The following ANGPT1 variants were observed in gnomAD, a reference collection of about 807,000 sequenced individuals.
The protein encoded by ANGPT1 is angiopoietin-1.
ANGPT1 carries 17 observed loss-of-function variants against 62.2 expected under a neutral mutation model. The observed-to-expected ratio is 0.27, with a 90% CI of 0.19 to 0.41. The LOEUF (loss-of-function observed/expected upper bound fraction) is 0.41. Among genes scored for constraint, ANGPT1 ranks in the 10% least tolerant of loss-of-function variants. The pLI, the probability that ANGPT1 is intolerant of heterozygous loss-of-function variation, is 1.00. For synonymous variants in ANGPT1, 199 were observed against 198.9 expected (o/e 1.00, Z 0.00); for missense variants, 478 against 594.9 (o/e 0.80, Z 2.04).
intron 1 of ANGPT1, among the ~76,000 whole-genome samples, chr8:107,451,261 A>T (rs981756249): frequency 1.3e-5 from 2 of 151,596 alleles, no homozygotes; most frequent in Non-Finnish European, 3.0e-5. Flanking sequence ...GTTAAAAATG[A>T]AGAGAGAAAC....
chr8:107,280,267 C>T (rs1813972760), intron 7 of ANGPT1, among the ~76,000 whole-genome samples: 1 of 151,592 alleles, frequency 6.6e-6, no homozygotes, highest in Admixed American at 6.6e-5. Context: ...ATGGCGCAAT[C>T]TCGGCTCACT....
At chr8:107,342,981 A>G (rs1335063667) in intron 2 of ANGPT1, among the ~76,000 whole-genome samples, 1 of 146,864 alleles carries the variant, frequency 6.8e-6, no homozygotes, top group Non-Finnish European at 1.5e-5. Context: ...GGCTACAGGC[A>G]CGCATTACCA....
intron 1 of ANGPT1, among the ~76,000 whole-genome samples, chr8:107,448,008 C>T (rs1811664968): frequency 6.6e-6 from 1 of 152,154 alleles, no homozygotes; most frequent in African/African-American, 2.4e-5. Context: ...TACTTCGGGT[C>T]CTACAGTTAG....
At chr8:107,383,874 G>A (rs1273682053) in intron 1 of ANGPT1, among the ~76,000 whole-genome samples, 1 of 152,118 alleles carries the variant, frequency 6.6e-6, no homozygotes, top group African/African-American at 2.4e-5. Context: ...AGCCCACAGA[G>A]ATTGTTATAT....
rs1165402772 is a variant in ANGPT1 at position 107,347,120 on chromosome 8, C to A, written c.298-23G>T. 3 of 1,599,818 alleles carry A rather than the reference C, an allele frequency of 1.9e-6. No homozygotes were observed. In the Admixed American group the frequency reaches 5.1e-5, roughly 27 times the overall value. ...AAGCTGCAAGAGATAAAGAACAAAA[C>A]ATATTACATTATAAGCAAGGCCTCC... On this transcript the variant is annotated intron_variant, in intron 1 of 8. Coordinates refer to ENST00000517746, the MANE Select transcript of ANGPT1 (RefSeq NM_001146.5).
chr8:107,259,626 A>AGGGG (rs1283762002), intron 8 of ANGPT1, among the ~76,000 whole-genome samples: 126 of 152,278 alleles, frequency 8.3e-4, no homozygotes, highest in African/African-American at 2.9e-3. Context: ...TGGAAATTAT[A>AGGGG]CTGAAACTAA....
chr8:107,361,072 A>G (rs1456258131), intron 1 of ANGPT1, among the ~76,000 whole-genome samples: 1 of 152,204 alleles, frequency 6.6e-6, no homozygotes, highest in Non-Finnish European at 1.5e-5. Flanking sequence ...GATTAGTATC[A>G]TGTTTGTTCT....
intron 1 of ANGPT1, among the ~76,000 whole-genome samples, chr8:107,352,212 G>C (rs1259214836): frequency 2.0e-5 from 3 of 152,094 alleles, no homozygotes; most frequent in African/African-American, 7.2e-5. Flanking sequence ...AAATGATGAG[G>C]TGAAACTTGT....
At chr8:107,477,455 G>A (rs992212361) in intron 1 of ANGPT1, among the ~76,000 whole-genome samples, 3 of 152,140 alleles carry the variant, frequency 2.0e-5, no homozygotes, top group Non-Finnish European at 4.4e-5. Flanking sequence ...AGATTTAAGA[G>A]TTTGAACTTC....
intron 7 of ANGPT1, among the ~76,000 whole-genome samples, chr8:107,268,453 G>A (rs1813666211): frequency 6.7e-6 from 1 of 149,070 alleles, no homozygotes; most frequent in Admixed American, 6.7e-5. Context: ...CATAGATACA[G>A]TCTCTCACAT....
chr8:107,359,297 C>G (rs566419824), intron 1 of ANGPT1, among the ~76,000 whole-genome samples: 1 of 152,294 alleles, frequency 6.6e-6, no homozygotes, highest in Non-Finnish European at 1.5e-5. Flanking sequence ...TTCTCAGACT[C>G]TCACAAAGCC....
Position 107,357,492 on chromosome 8 carries a change from A to C in ANGPT1, c.298-10395T>G, listed in dbSNP as rs115557803. Among the ~76,000 whole-genome samples the C allele has an allele frequency of 3.9e-3, 587 of 152,278 alleles. 6 individuals are homozygous for C. The highest frequency in any genetic ancestry group is 0.014 in the African/African-American group (565 of 41,566). On this transcript the variant is annotated intron_variant, in intron 1 of 8. Coordinates refer to ENST00000517746, the MANE Select transcript of ANGPT1 (RefSeq NM_001146.5). Reference sequence around the variant, plus strand: ...TTCTGTTTCACTTAAAAAGAGAAAGATTTGACATTTGAACTACAGACCACC... The same window carrying C: ...TTCTGTTTCACTTAAAAAGAGAAAGCTTTGACATTTGAACTACAGACCACC...
chr8:107,258,670 G>A (rs1257330950), intron 8 of ANGPT1, among the ~76,000 whole-genome samples: 1 of 151,992 alleles, frequency 6.6e-6, no homozygotes, highest in East Asian at 1.9e-4. Context: ...TGCATTTTAG[G>A]AAGCTCAAAT....
intron 1 of ANGPT1, among the ~76,000 whole-genome samples, chr8:107,423,440 G>T (rs1408289231): frequency 6.6e-6 from 1 of 152,124 alleles, no homozygotes; most frequent in African/African-American, 2.4e-5. Flanking sequence ...GATGGATGTG[G>T]AGATACAAAG....
rs77890305 is a variant in ANGPT1 at position 107,324,286 on chromosome 8, A to G, written c.576-2158T>C. Among the ~76,000 whole-genome samples, 926 of 151,950 alleles carry G rather than the reference A, an allele frequency of 6.1e-3. 15 individuals are homozygous for G. The highest frequency in any genetic ancestry group is 0.021 in the African/African-American group (873 of 41,400). On this transcript the variant is annotated intron_variant, in intron 3 of 8. Transcript: ENST00000517746. Reference sequence around the variant, plus strand: ...AGAATGTGGCCTTATTTAGAAACAGATTCGTTGCAGATGTAATTAGTTAAG... The same window carrying G: ...AGAATGTGGCCTTATTTAGAAACAGGTTCGTTGCAGATGTAATTAGTTAAG...
chr8:107,377,352 A>T (rs1443433642), intron 1 of ANGPT1, among the ~76,000 whole-genome samples: 1 of 152,170 alleles, frequency 6.6e-6, no homozygotes, highest in Non-Finnish European at 1.5e-5. Context: ...GCCTCGTGAC[A>T]TTGGCATATG....
intron 7 of ANGPT1, among the ~76,000 whole-genome samples, chr8:107,265,452 TAA>T (rs533144788): frequency 6.6e-6 from 1 of 152,334 alleles, no homozygotes; most frequent in South Asian, 2.1e-4. Flanking sequence ...AGAACTAATG[TAA>T]ACTTGCTCAC....
intron 1 of ANGPT1, among the ~76,000 whole-genome samples, chr8:107,463,829 C>T (rs993569681): frequency 6.6e-6 from 1 of 152,068 alleles, no homozygotes; most frequent in Non-Finnish European, 1.5e-5. Context: ...CTCTAGGTAA[C>T]TTTCGTAGAC....
intron 3 of ANGPT1, 56 bp from the exon 4 acceptor site, chr8:107,322,184 CT>C: frequency 7.8e-7 from 1 of 1,276,742 alleles, no homozygotes; most frequent in Non-Finnish European, 1.1e-6. Context: ...CAAAAAAACC[CT>C]TATAATTCAA....
Sources: allele counts gnomAD v4.1 joint callset (sites outside exome capture counted in the v4.1 genomes callset), GRCh38; gene constraint gnomAD v4.1.1; transcripts MANE v1.5; gene names NCBI Gene and HGNC (gene_info 2026-07-23, HGNC 2026-07-21).